The following LRFN2 variants were observed in gnomAD, a reference collection of about 807,000 sequenced individuals.
The protein encoded by LRFN2 is leucine rich repeat and fibronectin type III domain containing 2.
LRFN2 carries 18 observed loss-of-function variants against 37.3 expected under a neutral mutation model. That is an observed-to-expected ratio of 0.48 (90% confidence interval 0.33 to 0.72). The LOEUF (loss-of-function observed/expected upper bound fraction) is 0.72, where lower values mean the gene tolerates loss of function less well. LRFN2 is among the 30% of genes least tolerant of loss of function. LRFN2 has a pLI of 0.02. For missense variants in LRFN2, 1,006 were observed against 1,060.7 expected, an observed-to-expected ratio of 0.95 and a Z score of 0.72; for synonymous variants, 556 against 466.6, an observed-to-expected ratio of 1.19 and a Z score of -2.47.
chr6:40,402,724 A>G (rs190730251), intron 2 of LRFN2, among the ~76,000 whole-genome samples: 9 of 152,338 alleles, frequency 5.9e-5, no homozygotes, highest in Non-Finnish European at 1.3e-4. Flanking sequence ...ATTCATGTTC[A>G]TGATAACCCC....
At chr6:40,430,554 AT>A (rs1042945484) in intron 2 of LRFN2, among the ~76,000 whole-genome samples, 3 of 152,232 alleles carry the variant, frequency 2.0e-5, no homozygotes, top group African/African-American at 7.2e-5. Context: ...CATGTTTCAT[AT>A]AAGGGAACTC....
intron 1 of LRFN2, among the ~76,000 whole-genome samples, chr6:40,528,097 C>T (rs747095187): frequency 1.1e-4 from 16 of 152,182 alleles, no homozygotes; most frequent in African/African-American, 2.4e-4. Flanking sequence ...AGGTTTCTTC[C>T]GCCAGAGTTT....
chr6:40,501,319 G>C (rs751221902), intron 1 of LRFN2, among the ~76,000 whole-genome samples: 15 of 151,678 alleles, frequency 9.9e-5, no homozygotes, highest in Non-Finnish European at 2.2e-4. Context: ...CCTATCATAA[G>C]CATTGATTTT....
chr6:40,560,043 T>C (rs1347584238), intron 1 of LRFN2, among the ~76,000 whole-genome samples: 3 of 152,186 alleles, frequency 2.0e-5, no homozygotes, highest in Non-Finnish European at 4.4e-5. Context: ...CCTCTCTGCA[T>C]TGTCTCGGTT....
intron 1 of LRFN2, among the ~76,000 whole-genome samples, chr6:40,556,570 C>A (rs1156656647): frequency 2.6e-5 from 4 of 152,058 alleles, no homozygotes; most frequent in African/African-American, 4.8e-5. Flanking sequence ...ACTGCTTGTC[C>A]TGAGGATGGA....
chr6:40,487,167 T>G (rs1400272151), intron 1 of LRFN2, among the ~76,000 whole-genome samples: 1 of 152,216 alleles, frequency 6.6e-6, no homozygotes, highest in Non-Finnish European at 1.5e-5. Context: ...CTGGGTCCCC[T>G]TCCTCTCAGG....
At chr6:40,519,359 A>G (rs1765982054) in intron 1 of LRFN2, among the ~76,000 whole-genome samples, 1 of 152,210 alleles carries the variant, frequency 6.6e-6, no homozygotes, top group Non-Finnish European at 1.5e-5. Context: ...AAATCTGCCC[A>G]TCCAACCCTG....
At chr6:40,559,230 C>G (rs185693894) in intron 1 of LRFN2, among the ~76,000 whole-genome samples, 35 of 152,226 alleles carry the variant, frequency 2.3e-4, no homozygotes, top group African/African-American at 7.9e-4. Flanking sequence ...TATAAATGCT[C>G]CTCCTGGGAA....
At chr6:40,491,422 A>G (rs887987752) in intron 1 of LRFN2, among the ~76,000 whole-genome samples, 2 of 152,246 alleles carry the variant, frequency 1.3e-5, no homozygotes, top group African/African-American at 4.8e-5. Context: ...GAGTAGCCGG[A>G]GGGCTCCTAG....
At chr6:40,538,707 C>A (rs750715138) in intron 1 of LRFN2, among the ~76,000 whole-genome samples, 22 of 152,356 alleles carry the variant, frequency 1.4e-4, no homozygotes, top group Non-Finnish European at 2.5e-4. Flanking sequence ...GTGTGTCTGA[C>A]GCAGGGCGTC....
intron 1 of LRFN2, among the ~76,000 whole-genome samples, chr6:40,446,440 G>A (rs182888655): frequency 1.9e-3 from 289 of 152,310 alleles, no homozygotes; most frequent in Middle Eastern, 6.8e-3. Flanking sequence ...TACATTCCTC[G>A]TGTCTGATCA....
At chr6:40,509,300 G>A (rs561512581) in intron 1 of LRFN2, among the ~76,000 whole-genome samples, 11 of 152,382 alleles carry the variant, frequency 7.2e-5, no homozygotes, top group Admixed American at 5.2e-4. Flanking sequence ...ATGGGACAGA[G>A]CATGGGCTCT....
intron 1 of LRFN2, among the ~76,000 whole-genome samples, chr6:40,480,318 C>T (rs1395111901): frequency 6.6e-6 from 1 of 152,060 alleles, no homozygotes; most frequent in Non-Finnish European, 1.5e-5. Flanking sequence ...TGCTCTTTCA[C>T]CCAGACTGCA....
At chr6:40,547,656 T>C (rs1344421819) in intron 1 of LRFN2, among the ~76,000 whole-genome samples, 1 of 152,020 alleles carries the variant, frequency 6.6e-6, no homozygotes, top group South Asian at 2.1e-4. Flanking sequence ...ACTGGGAAGA[T>C]CAACAGAAGA....
intron 2 of LRFN2, among the ~76,000 whole-genome samples, chr6:40,399,552 T>C (rs2916253): frequency 0.96 from 144,682 of 150,708 alleles, 69,724 homozygotes; most frequent in Non-Finnish European, 1. Flanking sequence ...ATTCTTGTGC[T>C]TCAGCCTCCT....
chr6:40,468,270 G>A (rs148300478), intron 1 of LRFN2, among the ~76,000 whole-genome samples: 21 of 152,188 alleles, frequency 1.4e-4, no homozygotes, highest in African/African-American at 3.1e-4. Context: ...GGGAGGTCCC[G>A]GTAATGCTCT....
At chr6:40,514,972 C>A (rs969334675) in intron 1 of LRFN2, among the ~76,000 whole-genome samples, 1 of 152,232 alleles carries the variant, frequency 6.6e-6, no homozygotes, top group African/African-American at 2.4e-5. Context: ...CCTGGGCCAG[C>A]CACCTGGGCA....
Position 40,392,096 on chromosome 6 carries a change from C to A in LRFN2, c.2217G>T (p.Pro739=), listed in dbSNP as rs142012380. Residue 739 remains proline (P), a synonymous_variant, in exon 3 of 3, where the codon CCG becomes CCT. Coordinates refer to ENST00000338305, the MANE Select transcript of LRFN2 (RefSeq NM_020737.3). The surrounding 1 kb of genome is among the most constrained non-coding windows in gnomAD (Gnocchi z 4.7). ...CCTTCCGAGGAGGACTGTAGCCGCCCGGCACGACCCCTCCCGCCGCCGCAG... is the reference window on the plus strand; with the variant it reads ...CCTTCCGAGGAGGACTGTAGCCGCCAGGCACGACCCCTCCCGCCGCCGCAG... ...FAAAAAGGVV[P]GGYSPPRKVS... 3.0e-3 allele frequency: 4,842 copies of A among 1,613,706 alleles called. 31 individuals are homozygous for A. Among genetic ancestry groups the A allele is most frequent in the Middle Eastern group, 0.012 (71 of 6,060 alleles).
At chr6:40,449,646 C>T (rs2113841151) in intron 1 of LRFN2, among the ~76,000 whole-genome samples, 2 of 152,318 alleles carry the variant, frequency 1.3e-5, no homozygotes, top group Middle Eastern at 3.4e-3. Flanking sequence ...GTGATCATGG[C>T]ACCACCATAT....
Sources: gnomAD v4.1 joint callset for allele counts (sites outside exome capture counted in the v4.1 genomes callset) on GRCh38, gnomAD v4.1.1 for gene constraint, Gnocchi (gnomAD v3.1) non-coding constraint, MANE v1.5 for transcripts, NCBI Gene and HGNC (gene_info 2026-07-23, HGNC 2026-07-21) for gene names.